Variants in MCC observed in about 807,000 individuals in gnomAD.
MCC encodes colorectal mutant cancer protein.
Under a neutral mutation model 116.2 loss-of-function variants are expected in MCC, and 90 were observed. The ratio of observed to expected loss-of-function variants is 0.77; its 90% CI spans 0.65 to 0.92. The LOEUF is 0.92. Ranked by LOEUF, MCC falls within the 40% of genes least tolerant of loss-of-function variation. MCC has a pLI of 0.00. For synonymous variants in MCC, 578 were observed against 510.5 expected (o/e 1.13, Z -1.78); for missense variants, 1,516 against 1,312.2 (o/e 1.16, Z -2.40).
chr5:113,173,265 C>T (rs1393148329), intron 3 of MCC, among the ~76,000 whole-genome samples: 2 of 152,064 alleles, frequency 1.3e-5, no homozygotes, highest in Non-Finnish European at 2.9e-5. Flanking sequence ...GTGTGGTTTT[C>T]TTTTATGTGG....
chr5:113,311,673 T>TA lies in MCC; in HGVS notation c.627+28845dup, dbSNP rs1007214246. 2.8e-4 allele frequency among the ~76,000 whole-genome samples: 43 copies of TA among 151,066 alleles called. 1 individual carries two copies. The Middle Eastern group carries it at 0.014, about 49-fold the overall frequency. ...GATAACTGACACATTGCTTAATCAT[T>TA]AAAAAAAAATAATAGCTGGCCGGGC... On this transcript the variant is annotated intron_variant, in intron 3 of 18. Coordinates refer to ENST00000408903, the MANE Select transcript of MCC (RefSeq NM_001085377.2).
intron 1 of MCC, among the ~76,000 whole-genome samples, chr5:113,484,470 A>T (rs1772460682): frequency 1.3e-5 from 2 of 152,158 alleles, no homozygotes; most frequent in African/African-American, 4.8e-5. Flanking sequence ...TGTTTTTGAG[A>T]AAACAGATAT....
chr5:113,155,129 T>C (rs1010175291), intron 3 of MCC, among the ~76,000 whole-genome samples: 2 of 152,336 alleles, frequency 1.3e-5, no homozygotes, highest in Non-Finnish European at 1.5e-5. Flanking sequence ...AGTAAGATCA[T>C]GTGATATTTG....
chr5:113,475,010 C>G (rs1328020846), intron 1 of MCC, among the ~76,000 whole-genome samples: 1 of 152,158 alleles, frequency 6.6e-6, no homozygotes, highest in Admixed American at 6.5e-5. Flanking sequence ...ATGCAGAATT[C>G]TGATATTTAA....
intron 3 of MCC, among the ~76,000 whole-genome samples, chr5:113,261,985 A>G (rs1449881370): frequency 6.6e-6 from 1 of 152,226 alleles, no homozygotes; most frequent in Non-Finnish European, 1.5e-5. Context: ...CTATGTGTCT[A>G]TCTACCCCTC....
In MCC at chr5:113,027,407, C is replaced by T. The variant is rs771712733; in HGVS notation, c.2955G>A (p.Met985Ile). The change falls in exon 19 of 19, where the codon ATG (methionine) becomes ATA (isoleucine). Residue 985 changes from methionine to isoleucine, a missense_variant. Met to Ile is a conservative substitution (Grantham distance 10). Coordinates refer to ENST00000408903, the MANE Select transcript of MCC (RefSeq NM_001085377.2). ...NKLKKLESQM[M>I]AMVERHETQV... ...GGGTCTCATGTCTCTCCACCATGGC[C>T]ATCATCTGCGACTCTAACTTCTTCA... is the stretch of plus-strand genomic sequence containing the variant. The T allele has an allele frequency of 1.2e-6, 2 of 1,614,226 alleles. No individual in the cohort carries two copies. The highest frequency in any genetic ancestry group is 8.5e-7 in the Non-Finnish European group (1 of 1,180,038).
At chr5:113,365,319 G>A (rs1053667617) in intron 2 of MCC, among the ~76,000 whole-genome samples, 2 of 152,150 alleles carry the variant, frequency 1.3e-5, no homozygotes, top group African/African-American at 4.8e-5. Flanking sequence ...GATCCCTAGA[G>A]CAGAAGCACA....
At chr5:113,071,042 C>G (rs1405106836) in intron 12 of MCC, 52 bp downstream of exon 12, 3 of 1,573,684 alleles carry the variant, frequency 1.9e-6, no homozygotes, top group Non-Finnish European at 2.6e-6. Flanking sequence ...GAAGGTTACT[C>G]TGGATGCACT....
chr5:113,107,488 C>T (rs947230912), intron 6 of MCC, among the ~76,000 whole-genome samples: 2 of 152,108 alleles, frequency 1.3e-5, no homozygotes, highest in African/African-American at 4.8e-5. Flanking sequence ...TCGACCTGAG[C>T]TGCTAAGAAC....
In MCC at chr5:113,319,038, C is replaced by G. The variant is rs191941649; in HGVS notation, c.627+21481G>C. On this transcript the variant is annotated intron_variant, in intron 3 of 18. Transcript: ENST00000408903. ...ACACGCCACCACATCTGGATAATTTCTTATACATTTTATAGAGACGGAGTT... is the reference window on the plus strand; with the variant it reads ...ACACGCCACCACATCTGGATAATTTGTTATACATTTTATAGAGACGGAGTT... Among the ~76,000 whole-genome samples, 84 of 152,026 alleles carry G rather than the reference C, an allele frequency of 5.5e-4. 1 individual carries two copies. The highest frequency in any genetic ancestry group is 4.2e-4 in the South Asian group (2 of 4,804).
chr5:113,258,082 C>T (rs1315461916), intron 3 of MCC, among the ~76,000 whole-genome samples: 2 of 152,104 alleles, frequency 1.3e-5, no homozygotes, highest in South Asian at 4.2e-4. Flanking sequence ...ACCAAATAAA[C>T]ATTGTGAATG....
At chr5:113,333,757 A>C (rs1383112864) in intron 3 of MCC, among the ~76,000 whole-genome samples, 1 of 136,464 alleles carries the variant, frequency 7.3e-6, no homozygotes, top group African/African-American at 2.8e-5. Context: ...AACTAAATGC[A>C]CAAAAACAAA....
In MCC at chr5:113,412,841, T is replaced by G. The variant is rs115360683; in HGVS notation, c.171-27629A>C. On this transcript the variant is annotated intron_variant, in intron 1 of 18. Coordinates refer to ENST00000408903, the MANE Select transcript of MCC (RefSeq NM_001085377.2). ...GGAGTGGTGAGAGAGGACAACACAG[T>G]GTTGTGCCAGTTTTCAAAGGGAATG... 1.8e-3 allele frequency among the ~76,000 whole-genome samples: 267 copies of G among 152,240 alleles called. 2 individuals are homozygous for G. The highest frequency in any genetic ancestry group is 6.1e-3 in the African/African-American group (253 of 41,554).
chr5:113,143,839 C>A (rs568502949), intron 4 of MCC, among the ~76,000 whole-genome samples: 6 of 152,322 alleles, frequency 3.9e-5, no homozygotes, highest in Non-Finnish European at 8.8e-5. Context: ...TGTTCAGTTT[C>A]CCTTTTTACC....
chr5:113,473,695 A>G (rs964009695), intron 1 of MCC, among the ~76,000 whole-genome samples: 23 of 152,318 alleles, frequency 1.5e-4, no homozygotes, highest in African/African-American at 5.1e-4. Flanking sequence ...CAAGAATTCA[A>G]TGCTTTTGAA....
intron 3 of MCC, among the ~76,000 whole-genome samples, chr5:113,280,340 C>G (rs1328501272): frequency 6.6e-6 from 1 of 152,136 alleles, no homozygotes; most frequent in East Asian, 1.9e-4. Context: ...CTATCTATCT[C>G]CTAGTATTAT....
At position 113,025,357 on chromosome 5, in the gene MCC, T is replaced by C. The variant is rs781157838; in HGVS notation, c.*1945A>G. 2.0e-5 allele frequency: 3 copies of C among 151,696 alleles called. No homozygotes were observed. Among genetic ancestry groups the C allele is most frequent in the Non-Finnish European group, 2.9e-5 (2 of 67,930 alleles). The allele number at this position is 151,696 out of a possible 1,614,324, so 9.4% of individuals were successfully genotyped here. A position where few individuals can be genotyped will look rare whatever the true frequency, so the allele number is the denominator to read the frequency against. On this transcript the variant is annotated 3_prime_UTR_variant, in exon 19 of 19. Coordinates refer to ENST00000408903, the MANE Select transcript of MCC (RefSeq NM_001085377.2). Reference sequence around the variant, plus strand: ...AAAATCACAGGAATGGCCAGGCACATTGGCTCATGCCTGTAATCCCAGCAC... The same window carrying C: ...AAAATCACAGGAATGGCCAGGCACACTGGCTCATGCCTGTAATCCCAGCAC...
rs556308854 is a variant in MCC at position 113,370,664 on chromosome 5, C to T, written c.415+14304G>A. Among the ~76,000 whole-genome samples the T allele has an allele frequency of 4.6e-5, 7 of 152,272 alleles. No homozygotes were observed. The South Asian group carries it at 1.4e-3, about 32-fold the overall frequency. Reference sequence around the variant, plus strand: ...ATAGATATATTTTGTTAGTTCTGTTCTACTTAAAAATCACTTAAAATTTAG... The same window carrying T: ...ATAGATATATTTTGTTAGTTCTGTTTTACTTAAAAATCACTTAAAATTTAG... On this transcript the variant is annotated intron_variant, in intron 2 of 18. Transcript: ENST00000408903.
At chr5:113,354,240 A>G (rs1036680444) in intron 2 of MCC, among the ~76,000 whole-genome samples, 1 of 152,150 alleles carries the variant, frequency 6.6e-6, no homozygotes, top group African/African-American at 2.4e-5. Flanking sequence ...AGTGACTCAC[A>G]TGGCTCATAA....
Sources: allele counts gnomAD v4.1 joint callset (sites outside exome capture counted in the v4.1 genomes callset), GRCh38; gene constraint gnomAD v4.1.1; transcripts MANE v1.5; gene names NCBI Gene and HGNC (gene_info 2026-07-23, HGNC 2026-07-21).